GPC5: variants seen among roughly 807,000 people sequenced by gnomAD.
The protein encoded by GPC5 is glypican-5.
In GPC5, 47 loss-of-function variants were observed where a neutral mutation model predicts 53.9. The ratio of observed to expected loss-of-function variants is 0.87; its 90% CI spans 0.69 to 1.11. The LOEUF is 1.11. Among genes scored for constraint, GPC5 ranks in the 50% most tolerant of loss-of-function variants. GPC5 has a pLI of 0.00. For synonymous variants in GPC5, 286 were observed against 263.3 expected (o/e 1.09, Z -0.84); for missense variants, 748 against 713.1 (o/e 1.05, Z -0.56).
In GPC5 at chr13:92,203,643, A is replaced by T. The variant is rs533157170; in HGVS notation, c.1561+58654A>T. Among the ~76,000 whole-genome samples, 73 of 119,530 alleles carry T rather than the reference A, an allele frequency of 6.1e-4. 3 individuals are homozygous for T. Among genetic ancestry groups the T allele is most frequent in the Middle Eastern group, 0.011 (2 of 182 alleles). 78.4% of individuals were successfully genotyped at this position (119,530 alleles called of 152,430 possible). On this transcript the variant is annotated intron_variant, in intron 7 of 7. Transcript: ENST00000377067. ...CCTAAAACTTAGAGTATAATAAAAA[A>T]ATATATATATATAAAAAAATAAATA...
At chr13:91,950,410 A>G (rs1407943988) in intron 6 of GPC5, among the ~76,000 whole-genome samples, 2 of 141,370 alleles carry the variant, frequency 1.4e-5, no homozygotes, top group Non-Finnish European at 3.1e-5. Flanking sequence ...TTTCTACACC[A>G]AATGAGCTAC....
intron 7 of GPC5, among the ~76,000 whole-genome samples, chr13:92,383,841 C>T (rs1043517369): frequency 6.6e-6 from 1 of 152,088 alleles, no homozygotes; most frequent in Non-Finnish European, 1.5e-5. Context: ...CAAAGCATAA[C>T]TGCAGAAATA....
intron 6 of GPC5, among the ~76,000 whole-genome samples, chr13:92,100,299 A>G (rs1269928248): frequency 6.6e-6 from 1 of 152,122 alleles, no homozygotes; most frequent in Non-Finnish European, 1.5e-5. Context: ...GCTATTTGAG[A>G]GGCTGAGGCA....
intron 5 of GPC5, among the ~76,000 whole-genome samples, chr13:91,878,018 T>C (rs1272744090): frequency 1.3e-5 from 2 of 152,148 alleles, no homozygotes; most frequent in Non-Finnish European, 2.9e-5. Flanking sequence ...ATGTGAGAAG[T>C]GCCTTTTGCC....
intron 6 of GPC5, among the ~76,000 whole-genome samples, chr13:91,961,866 C>T (rs761687347): frequency 2.6e-5 from 4 of 151,940 alleles, no homozygotes; most frequent in Admixed American, 6.6e-5. Flanking sequence ...AGGAGGGAGA[C>T]GTGGGTTCCT....
intron 7 of GPC5, among the ~76,000 whole-genome samples, chr13:92,616,141 A>G (rs530703919): frequency 2.2e-4 from 34 of 152,348 alleles, no homozygotes; most frequent in Middle Eastern, 6.8e-3. Context: ...GAAAAGGCTG[A>G]TAAAAATAAG....
intron 5 of GPC5, among the ~76,000 whole-genome samples, chr13:91,799,521 A>G (rs1397119556): frequency 6.6e-6 from 1 of 151,910 alleles, no homozygotes; most frequent in Non-Finnish European, 1.5e-5. Flanking sequence ...AAAAATTTCA[A>G]AATTTATTTA....
At chr13:91,783,679 C>T (rs956336434) in intron 5 of GPC5, among the ~76,000 whole-genome samples, 11 of 151,998 alleles carry the variant, frequency 7.2e-5, no homozygotes, top group Non-Finnish European at 1.0e-4. Context: ...TGATCTCAAG[C>T]GATCTGCCCG....
intron 7 of GPC5, among the ~76,000 whole-genome samples, chr13:92,171,193 T>A (rs1299495181): frequency 1.3e-5 from 2 of 152,144 alleles, no homozygotes; most frequent in Non-Finnish European, 2.9e-5. Flanking sequence ...CCCTACCTCC[T>A]GTCAAGGACC....
Position 91,399,100 on chromosome 13 carries a change from G to A in GPC5, c.54G>A (p.Leu18=). The change falls in exon 1 of 8, where the codon CTG becomes CTA. Residue 18 remains leucine, a synonymous_variant. Coordinates refer to ENST00000377067, the MANE Select transcript of GPC5 (RefSeq NM_004466.6). The part of the protein sequence containing the change: ...VGFRCLLLLA[L]VGSARSEGVQ... Reference sequence around the variant, plus strand: ...TTCGCTGCCTCCTCCTTCTGGCCCTGGTTGGGTCCGCCCGCAGCGAGGGCG... The same window carrying A: ...TTCGCTGCCTCCTCCTTCTGGCCCTAGTTGGGTCCGCCCGCAGCGAGGGCG... The A allele has an allele frequency of 2.5e-6, 4 of 1,600,800 alleles. No individual in the cohort carries two copies. The highest frequency in any genetic ancestry group is 3.4e-6 in the Non-Finnish European group (4 of 1,174,000).
chr13:91,806,039 T>TC (rs1296563593), intron 5 of GPC5, among the ~76,000 whole-genome samples: 2 of 136,750 alleles, frequency 1.5e-5, no homozygotes, highest in African/African-American at 5.6e-5. Flanking sequence ...TTTTTTTTTT[T>TC]TTTTTTTTTT....
intron 5 of GPC5, among the ~76,000 whole-genome samples, chr13:91,874,202 C>T (rs2039178091): frequency 6.6e-6 from 1 of 152,034 alleles, no homozygotes; most frequent in African/African-American, 2.4e-5. Flanking sequence ...AATATGAAGC[C>T]CTCTTTCACT....
intron 4 of GPC5, among the ~76,000 whole-genome samples, chr13:91,755,909 G>C (rs1432710320): frequency 2.0e-5 from 3 of 152,010 alleles, no homozygotes; most frequent in Non-Finnish European, 4.4e-5. Flanking sequence ...TGGTGGCTTA[G>C]ATGATAGCAG....
At chr13:91,686,212 A>G (rs1473635649) in intron 2 of GPC5, among the ~76,000 whole-genome samples, 3 of 152,060 alleles carry the variant, frequency 2.0e-5, no homozygotes, top group Non-Finnish European at 4.4e-5. Flanking sequence ...AATCAAGTTG[A>G]TTTTCAAACA....
intron 2 of GPC5, among the ~76,000 whole-genome samples, chr13:91,573,093 A>G (rs950610049): frequency 1.3e-4 from 20 of 152,142 alleles, no homozygotes; most frequent in Non-Finnish European, 1.2e-4. Flanking sequence ...TCTGGGAAGA[A>G]ATGGGTGCTG....
At chr13:91,775,400 C>T (rs1203528211) in intron 5 of GPC5, among the ~76,000 whole-genome samples, 1 of 152,134 alleles carries the variant, frequency 6.6e-6, no homozygotes, top group African/African-American at 2.4e-5. Flanking sequence ...AGATTCCTAA[C>T]CTATCGATCT....
Position 92,531,134 on chromosome 13 carries a change from A to AT in GPC5, c.1562-335141dup, listed in dbSNP as rs372603124. ...CATCTTAGATGTTGAAACTTGGCAG[A>AT]TTTTTTTCTGAAGCCAAAGCCTATA... is the stretch of plus-strand genomic sequence containing the variant. On this transcript the variant is annotated intron_variant, in intron 7 of 7. Transcript: ENST00000377067. Among the ~76,000 whole-genome samples the AT allele has an allele frequency of 2.8e-3, 422 of 152,226 alleles. 3 individuals are homozygous for AT. Among genetic ancestry groups the AT allele is most frequent in the African/African-American group, 9.5e-3 (394 of 41,528 alleles).
At chr13:91,812,130 T>C (rs1270901208) in intron 5 of GPC5, among the ~76,000 whole-genome samples, 1 of 152,192 alleles carries the variant, frequency 6.6e-6, no homozygotes, top group African/African-American at 2.4e-5. Flanking sequence ...GTCTGAACTT[T>C]CATTGAAGAA....
intron 6 of GPC5, among the ~76,000 whole-genome samples, chr13:92,095,117 T>C (rs760742058): frequency 6.6e-6 from 1 of 152,160 alleles, no homozygotes; most frequent in Non-Finnish European, 1.5e-5. Flanking sequence ...AATTTGAGAA[T>C]AGAACTTGTG....
Sources: gnomAD v4.1 joint callset for allele counts (sites outside exome capture counted in the v4.1 genomes callset) on GRCh38, gnomAD v4.1.1 for gene constraint, MANE v1.5 for transcripts, NCBI Gene and HGNC (gene_info 2026-07-23, HGNC 2026-07-21) for gene names.